FMNL2: variants seen among roughly 807,000 people sequenced by gnomAD.
FMNL2 encodes the protein formin like 2, also known as formin-like protein 2.
FMNL2 carries 51 observed loss-of-function variants against 130.2 expected under a neutral mutation model. The ratio of observed to expected loss-of-function variants is 0.39; its 90% CI spans 0.31 to 0.49. FMNL2 has a LOEUF of 0.49. Ranked by LOEUF, FMNL2 falls within the 20% of genes least tolerant of loss-of-function variation. The pLI is 0.85. For synonymous variants in FMNL2, 465 were observed against 467.1 expected, an observed-to-expected ratio of 1.00 and a Z score of 0.06; for missense variants, 977 against 1,316.2, an observed-to-expected ratio of 0.74 and a Z score of 3.99.
chr2:152,636,952 C>G (rs1580152840), intron 22 of FMNL2, among the ~76,000 whole-genome samples: 2 of 152,230 alleles, frequency 1.3e-5, no homozygotes, highest in East Asian at 3.9e-4. Context: ...CCTTGAAAAT[C>G]TTACACTATA....
intron 1 of FMNL2, among the ~76,000 whole-genome samples, chr2:152,489,782 GAAAAA>G (rs1193357962): frequency 6.6e-6 from 1 of 152,100 alleles, no homozygotes; most frequent in Non-Finnish European, 1.5e-5. Flanking sequence ...ACAAGTCTAA[GAAAAA>G]TTCATCTTGA....
chr2:152,402,228 A>G (rs1185649833), intron 1 of FMNL2, among the ~76,000 whole-genome samples: 1 of 152,120 alleles, frequency 6.6e-6, no homozygotes, highest in Non-Finnish European at 1.5e-5. Context: ...AAGCCCATAA[A>G]TGCTAAGCGT....
chr2:152,596,313 G>T (rs1697772357), intron 9 of FMNL2, among the ~76,000 whole-genome samples: 1 of 152,130 alleles, frequency 6.6e-6, no homozygotes, highest in South Asian at 2.1e-4. Context: ...TCTATATGAA[G>T]ACACTATTGG....
chr2:152,480,960 CAG>C (rs1199877149), intron 1 of FMNL2, among the ~76,000 whole-genome samples: 2 of 152,182 alleles, frequency 1.3e-5, no homozygotes, highest in African/African-American at 4.8e-5. Context: ...GGCATAATTT[CAG>C]AGTCTCTCTC....
intron 9 of FMNL2, among the ~76,000 whole-genome samples, chr2:152,601,870 C>T (rs1698098260): frequency 6.7e-6 from 1 of 150,370 alleles, no homozygotes; most frequent in Admixed American, 6.6e-5. Context: ...GGGTTTCACC[C>T]TGTTGGCCAG....
intron 1 of FMNL2, among the ~76,000 whole-genome samples, chr2:152,466,450 C>T (rs536014226): frequency 3.3e-5 from 5 of 151,748 alleles, no homozygotes; most frequent in Non-Finnish European, 7.3e-5. Flanking sequence ...TCTCTTCTTC[C>T]TCCTTAACCA....
At chr2:152,518,413 T>C (rs1036865798) in intron 1 of FMNL2, among the ~76,000 whole-genome samples, 10 of 152,230 alleles carry the variant, frequency 6.6e-5, no homozygotes, top group Non-Finnish European at 1.5e-4. Flanking sequence ...TAACTAATCA[T>C]GCTCAAAAAG....
At chr2:152,466,106 G>T (rs1433459669) in intron 1 of FMNL2, among the ~76,000 whole-genome samples, 5 of 152,326 alleles carry the variant, frequency 3.3e-5, no homozygotes, top group Middle Eastern at 3.4e-3. Flanking sequence ...TTTCCTAACA[G>T]GCAAATAAGG....
At chr2:152,593,074 T>A (rs1697523068) in intron 9 of FMNL2, among the ~76,000 whole-genome samples, 1 of 152,106 alleles carries the variant, frequency 6.6e-6, no homozygotes. Context: ...GCAGAGAGAT[T>A]GGCATGAAAT....
At chr2:152,423,795 G>A (rs1216317135) in intron 1 of FMNL2, among the ~76,000 whole-genome samples, 1 of 152,136 alleles carries the variant, frequency 6.6e-6, no homozygotes, top group African/African-American at 2.4e-5. Flanking sequence ...GGTTGGGGGT[G>A]TCTGTGTTCT....
chr2:152,515,709 G>A (rs559713655), intron 1 of FMNL2, among the ~76,000 whole-genome samples: 56 of 152,200 alleles, frequency 3.7e-4, no homozygotes, highest in African/African-American at 1.3e-3. Context: ...CTTGTCCTCC[G>A]ATTTCCTTCT....
At chr2:152,605,225 C>T (rs555139288) in intron 9 of FMNL2, among the ~76,000 whole-genome samples, 1 of 152,136 alleles carries the variant, frequency 6.6e-6, no homozygotes, top group South Asian at 2.1e-4. Context: ...TGTGCATGCC[C>T]GTGTCCCCCC....
intron 9 of FMNL2, among the ~76,000 whole-genome samples, chr2:152,588,357 CCTT>C (rs1423535653): frequency 6.6e-6 from 1 of 152,184 alleles, no homozygotes; most frequent in Non-Finnish European, 1.5e-5. Flanking sequence ...ACTTCTCTGT[CCTT>C]CTTCCTTTAA....
chr2:152,535,408 G>A (rs1269116975), intron 2 of FMNL2, among the ~76,000 whole-genome samples: 1 of 152,192 alleles, frequency 6.6e-6, no homozygotes, highest in African/African-American at 2.4e-5. Context: ...CAGTTGGGAA[G>A]AGCCTCACCT....
At chr2:152,486,401 A>G (rs1690831772) in intron 1 of FMNL2, among the ~76,000 whole-genome samples, 1 of 152,178 alleles carries the variant, frequency 6.6e-6, no homozygotes, top group African/African-American at 2.4e-5. Context: ...GGACTGGGCT[A>G]TAAGCATTTT....
chr2:152,627,571 G>A (rs983843610), intron 17 of FMNL2, among the ~76,000 whole-genome samples: 1 of 152,132 alleles, frequency 6.6e-6, no homozygotes, highest in East Asian at 1.9e-4. Flanking sequence ...TCTGATTTCT[G>A]TCATTGAATC....
intron 25 of FMNL2, chr2:152,643,347 T>C (rs1208305630): frequency 4.7e-6 from 7 of 1,502,710 alleles, no homozygotes; most frequent in Non-Finnish European, 6.2e-6. Flanking sequence ...GCACTAACCA[T>C]GTACTAATGC....
chr2:152,598,352 G>A (rs1301811403), intron 9 of FMNL2, among the ~76,000 whole-genome samples: 1 of 152,136 alleles, frequency 6.6e-6, no homozygotes, highest in African/African-American at 2.4e-5. Context: ...ATCCCAGAGA[G>A]GACTGAAGGC....
intron 1 of FMNL2, among the ~76,000 whole-genome samples, chr2:152,372,933 A>G (rs1683965133): frequency 6.6e-6 from 1 of 152,208 alleles, no homozygotes; most frequent in African/African-American, 2.4e-5. Context: ...GAGTTGGAAG[A>G]TGAGTGCTCT....
Sources: gnomAD v4.1 joint callset for allele counts (sites outside exome capture counted in the v4.1 genomes callset) on GRCh38, gnomAD v4.1.1 for gene constraint, MANE v1.5 for transcripts, NCBI Gene and HGNC (gene_info 2026-07-23, HGNC 2026-07-21) for gene names.